The following SNTG2 variants were observed in gnomAD, a reference collection of about 807,000 sequenced individuals.
The protein encoded by SNTG2 is gamma-2-syntrophin.
SNTG2 carries 74 observed loss-of-function variants against 70.9 expected under a neutral mutation model. The ratio of observed to expected loss-of-function variants is 1.04; its 90% CI spans 0.86 to 1.27. SNTG2 has a LOEUF of 1.27. Among genes scored for constraint, SNTG2 ranks in the 50% most tolerant of loss-of-function variants. SNTG2 has a pLI of 0.00. For synonymous variants in SNTG2, 278 were observed against 273.8 expected (o/e 1.02, Z -0.15); for missense variants, 717 against 690.7 (o/e 1.04, Z -0.43).
chr2:1,064,793 G>A (rs1663046549), intron 1 of SNTG2, among the ~76,000 whole-genome samples: 1 of 152,062 alleles, frequency 6.6e-6, no homozygotes, highest in Non-Finnish European at 1.5e-5. Context: ...AACACACACG[G>A]CAAACATGGT....
intron 4 of SNTG2, among the ~76,000 whole-genome samples, chr2:1,134,624 T>C (rs1333307108): frequency 1.3e-5 from 2 of 152,184 alleles, no homozygotes; most frequent in African/African-American, 4.8e-5. Context: ...ATAAAGGTTC[T>C]CCAAGGCCCC....
At chr2:1,366,302 C>T (rs1320259682) in intron 16 of SNTG2, among the ~76,000 whole-genome samples, 3 of 152,128 alleles carry the variant, frequency 2.0e-5, no homozygotes, top group South Asian at 2.1e-4. Context: ...CGGCAAGATT[C>T]GTATTTTACC....
intron 13 of SNTG2, among the ~76,000 whole-genome samples, chr2:1,264,990 G>A (rs907898252): frequency 1.3e-5 from 2 of 152,218 alleles, no homozygotes; most frequent in Non-Finnish European, 2.9e-5. Flanking sequence ...TTTTAGGGGA[G>A]TCAAAAGTTA....
At chr2:966,971 AAAC>A (rs1660590561) in intron 1 of SNTG2, among the ~76,000 whole-genome samples, 1 of 151,850 alleles carries the variant, frequency 6.6e-6, no homozygotes, top group African/African-American at 2.4e-5. Context: ...ACAAACAAAA[AAAC>A]AAATAATAGT....
intron 6 of SNTG2, among the ~76,000 whole-genome samples, chr2:1,151,341 A>G (rs1669484837): frequency 1.0e-4 from 2 of 19,402 alleles, no homozygotes; most frequent in South Asian, 3.2e-3. Flanking sequence ...TGTGCACAGC[A>G]GAGGGCTTTG....
chr2:1,103,871 A>G (rs1665951299), intron 4 of SNTG2, among the ~76,000 whole-genome samples: 1 of 152,232 alleles, frequency 6.6e-6, no homozygotes, highest in Non-Finnish European at 1.5e-5. Flanking sequence ...GAAGCAAAAA[A>G]TAGACTGATT....
intron 9 of SNTG2, among the ~76,000 whole-genome samples, chr2:1,215,180 T>C (rs1201912891): frequency 6.6e-6 from 1 of 152,218 alleles, no homozygotes; most frequent in East Asian, 1.9e-4. Flanking sequence ...ATCAAGGATA[T>C]TGGCCTGTAA....
intron 1 of SNTG2, among the ~76,000 whole-genome samples, chr2:1,020,873 A>G (rs539055332): frequency 8.5e-5 from 13 of 152,180 alleles, no homozygotes; most frequent in African/African-American, 1.9e-4. Flanking sequence ...CAGCATGAAA[A>G]TATCCTACCA....
chr2:1,168,001 C>T (rs1340897451), intron 7 of SNTG2, among the ~76,000 whole-genome samples: 2 of 130,868 alleles, frequency 1.5e-5, no homozygotes, highest in South Asian at 2.8e-4. Context: ...CGCCCACAGA[C>T]GGCAGAACTG....
At chr2:1,204,664 C>G (rs1393214528) in intron 8 of SNTG2, among the ~76,000 whole-genome samples, 1 of 152,210 alleles carries the variant, frequency 6.6e-6, no homozygotes, top group East Asian at 1.9e-4. Context: ...AGACCACATT[C>G]TCATCACGTT....
chr2:966,966 CAAA>C (rs138414205), intron 1 of SNTG2, among the ~76,000 whole-genome samples: 2 of 147,356 alleles, frequency 1.4e-5, no homozygotes, highest in Non-Finnish European at 3.0e-5. Context: ...AACAAACAAA[CAAA>C]AAAACAAATA....
rs528713046 is a variant in SNTG2, at chr2:1,162,053, G to A, written c.412-3495G>A. Reference sequence around the variant, plus strand: ...GGCGCCACTGCACTCCAGCCTGGGCGACAGTGAGACTCCGTCTCAAAAAAA... The same window carrying A: ...GGCGCCACTGCACTCCAGCCTGGGCAACAGTGAGACTCCGTCTCAAAAAAA... On this transcript the variant is annotated intron_variant, in intron 6 of 16. Transcript: ENST00000308624. Among the ~76,000 whole-genome samples, 13 of 117,248 alleles carry A rather than the reference G, an allele frequency of 1.1e-4. No individual in the cohort carries two copies. The East Asian group carries it at 1.1e-3, about 10-fold the overall frequency. 76.9% of individuals were successfully genotyped at this position (117,248 alleles called of 152,430 possible). A position where few individuals can be genotyped will look rare whatever the true frequency, so the allele number is the denominator to read the frequency against.
chr2:1,210,547 GC>G (rs1558535281), intron 9 of SNTG2: 1 of 151,874 alleles, frequency 6.6e-6, no homozygotes, highest in Non-Finnish European at 1.5e-5. Context: ...TTGTGGTGAT[GC>G]TGACGTAGAC....
At chr2:1,170,815 C>T (rs28461293) in intron 7 of SNTG2, among the ~76,000 whole-genome samples, 49,078 of 151,780 alleles carry the variant, frequency 0.32, 8,471 homozygotes, top group East Asian at 0.65. Context: ...CATGAGCATC[C>T]GTGAATGCGT....
chr2:1,114,997 C>T (rs547409118), intron 4 of SNTG2, among the ~76,000 whole-genome samples: 17 of 150,744 alleles, frequency 1.1e-4, no homozygotes, highest in African/African-American at 4.1e-4. Context: ...TTAATCCTTA[C>T]AGTCCTTTGA....
At position 965,587 on chromosome 2, in the gene SNTG2, C is replaced by T. The variant is rs896018586; in HGVS notation, c.72+14519C>T. Among the ~76,000 whole-genome samples the T allele has an allele frequency of 5.5e-5, 8 of 145,394 alleles. No homozygotes were observed. The East Asian group carries it at 1.4e-3, about 25-fold the overall frequency. ...TCTGTGGTCCCCTCCTCCTCTGTGGCCCCCTCCTCCTCCGTTGCCCCTGGT... is the reference window on the plus strand; with the variant it reads ...TCTGTGGTCCCCTCCTCCTCTGTGGTCCCCTCCTCCTCCGTTGCCCCTGGT... On this transcript the variant is annotated intron_variant, in intron 1 of 16. Coordinates refer to ENST00000308624, the MANE Select transcript of SNTG2 (RefSeq NM_018968.4).
At chr2:1,231,778 C>T (rs1357982955) in intron 9 of SNTG2, among the ~76,000 whole-genome samples, 1 of 152,172 alleles carries the variant, frequency 6.6e-6, no homozygotes, top group African/African-American at 2.4e-5. Flanking sequence ...GTGACAAACC[C>T]AGGTGCTGGA....
At chr2:1,346,508 C>T (rs1196122748) in intron 16 of SNTG2, 1 of 152,300 alleles carries the variant, frequency 6.6e-6, no homozygotes, top group African/African-American at 2.4e-5. Flanking sequence ...ATTCCAGGGG[C>T]AGCCAGGACA....
At chr2:1,355,691 G>A (rs377191638) in intron 16 of SNTG2, among the ~76,000 whole-genome samples, 2 of 152,036 alleles carry the variant, frequency 1.3e-5, no homozygotes, top group East Asian at 1.9e-4. Flanking sequence ...CATTTTCCTC[G>A]GATGCATTCC....
Sources: allele counts gnomAD v4.1 joint callset (sites outside exome capture counted in the v4.1 genomes callset), GRCh38; gene constraint gnomAD v4.1.1; transcripts MANE v1.5; gene names NCBI Gene and HGNC (gene_info 2026-07-23, HGNC 2026-07-21).